The following SIPA1L2 variants were observed in gnomAD, a reference collection of about 807,000 sequenced individuals.
SIPA1L2 encodes signal induced proliferation associated 1 like 2.
Under a neutral mutation model 163.9 loss-of-function variants are expected in SIPA1L2, and 56 were observed. The observed-to-expected ratio is 0.34, with a 90% CI of 0.28 to 0.43. The LOEUF is 0.43. Among genes scored for constraint, SIPA1L2 ranks in the 20% least tolerant of loss-of-function variants. SIPA1L2 has a pLI of 1.00. For synonymous variants in SIPA1L2, 877 were observed against 865.7 expected, an observed-to-expected ratio of 1.01 and a Z score of -0.23; for missense variants, 1,974 against 2,193.5, an observed-to-expected ratio of 0.90 and a Z score of 2.00.
intron 3 of SIPA1L2, among the ~76,000 whole-genome samples, chr1:232,500,958 A>G (rs1031507854): frequency 6.6e-6 from 1 of 151,906 alleles, no homozygotes; most frequent in African/African-American, 2.4e-5. Context: ...TGATCAGCCA[A>G]CAGCCATCAA....
intron 2 of SIPA1L2, chr1:232,561,419 G>C (rs974120377): frequency 6.6e-6 from 1 of 152,146 alleles, no homozygotes; most frequent in Admixed American, 6.5e-5. Context: ...CTGCAATTAA[G>C]ATAATTATTT....
intron 1 of SIPA1L2, among the ~76,000 whole-genome samples, chr1:232,616,990 G>C (rs1662531004): frequency 6.6e-6 from 1 of 152,086 alleles, no homozygotes; most frequent in Admixed American, 6.5e-5. Context: ...TAATTGATTA[G>C]TCTCCTTCAC....
Position 232,514,947 on chromosome 1 carries a change from A to G in SIPA1L2, c.393T>C (p.Asp131=). ...QSEGQQDEQL[D]LDFVEAKYTI... is the part of the protein sequence containing the mutation. ...TGTACTTGGCCTCCACGAAGTCCAGATCGAGCTGTTCATCTTGCTGACCTT... is the reference window on the plus strand; with the variant it reads ...TGTACTTGGCCTCCACGAAGTCCAGGTCGAGCTGTTCATCTTGCTGACCTT... The change falls in exon 3 of 23, where the codon GAT becomes GAC. Residue 131 remains aspartate (D), a synonymous_variant. Coordinates refer to ENST00000674635, the MANE Select transcript of SIPA1L2 (RefSeq NM_020808.5). The G allele has an allele frequency of 2.5e-6, 4 of 1,614,164 alleles. No individual in the cohort carries two copies. The highest frequency in any genetic ancestry group is 3.4e-6 in the Non-Finnish European group (4 of 1,180,026).
intron 1 of SIPA1L2, among the ~76,000 whole-genome samples, chr1:232,601,406 C>T (rs1008687611): frequency 6.6e-6 from 1 of 152,196 alleles, no homozygotes; most frequent in African/African-American, 2.4e-5. Context: ...GCAACAGCTC[C>T]ACTCTCCCTG....
intron 2 of SIPA1L2, among the ~76,000 whole-genome samples, chr1:232,541,054 A>C (rs1268326230): frequency 6.6e-6 from 1 of 152,174 alleles, no homozygotes; most frequent in African/African-American, 2.4e-5. Flanking sequence ...ATGAGAACAC[A>C]TGGACACAGG....
At chr1:232,594,613 A>G (rs1661149079) in intron 1 of SIPA1L2, among the ~76,000 whole-genome samples, 1 of 152,054 alleles carries the variant, frequency 6.6e-6, no homozygotes, top group Non-Finnish European at 1.5e-5. Flanking sequence ...AGTCAATTTC[A>G]ATGCCCCTTT....
At chr1:232,476,578 C>T (rs921955103) in intron 7 of SIPA1L2, among the ~76,000 whole-genome samples, 1 of 152,014 alleles carries the variant, frequency 6.6e-6, no homozygotes, top group Non-Finnish European at 1.5e-5. Flanking sequence ...GGAAGACAGC[C>T]CTGGAAAAAG....
At chr1:232,538,892 G>A (rs1232596315) in intron 2 of SIPA1L2, among the ~76,000 whole-genome samples, 2 of 152,164 alleles carry the variant, frequency 1.3e-5, no homozygotes, top group African/African-American at 2.4e-5. Flanking sequence ...ACCTGCAAGC[G>A]TATATAGAAT....
intron 2 of SIPA1L2, among the ~76,000 whole-genome samples, chr1:232,548,682 C>A (rs927112864): frequency 9.9e-5 from 15 of 152,172 alleles, no homozygotes; most frequent in African/African-American, 2.4e-5. Flanking sequence ...AAGAGGGACA[C>A]GGCAAGGCCT....
intron 10 of SIPA1L2, among the ~76,000 whole-genome samples, chr1:232,458,843 T>C (rs1664071106): frequency 6.6e-6 from 1 of 152,234 alleles, no homozygotes; most frequent in Non-Finnish European, 1.5e-5. Context: ...AGACTCATTT[T>C]TAATAAATTA....
At chr1:232,511,055 C>T (rs916473637) in intron 3 of SIPA1L2, among the ~76,000 whole-genome samples, 1 of 152,102 alleles carries the variant, frequency 6.6e-6, no homozygotes, top group Non-Finnish European at 1.5e-5. Context: ...AATTAGGAAG[C>T]CTATCTCTCC....
intron 1 of SIPA1L2, among the ~76,000 whole-genome samples, chr1:232,584,534 T>G (rs1323883381): frequency 1.3e-5 from 2 of 152,224 alleles, no homozygotes; most frequent in African/African-American, 4.8e-5. Flanking sequence ...AGCATAAAAA[T>G]GGACAGTTTA....
At chr1:232,456,391 G>A (rs1663919216) in intron 10 of SIPA1L2, among the ~76,000 whole-genome samples, 2 of 152,122 alleles carry the variant, frequency 1.3e-5, no homozygotes, top group Non-Finnish European at 2.9e-5. Context: ...TTTATAGAAT[G>A]ATGAGAGAAT....
At chr1:232,627,765 C>T (rs1380079674) in intron 1 of SIPA1L2, among the ~76,000 whole-genome samples, 5 of 152,214 alleles carry the variant, frequency 3.3e-5, no homozygotes, top group African/African-American at 1.2e-4. Flanking sequence ...AGAAGCTCCA[C>T]CCCCATACCT....
intron 10 of SIPA1L2, among the ~76,000 whole-genome samples, chr1:232,446,872 T>A (rs548647479): frequency 2.8e-4 from 42 of 152,232 alleles, no homozygotes; most frequent in Admixed American, 1.9e-3. Flanking sequence ...CCACCCAGAG[T>A]CCTCTGAGCA....
chr1:232,591,988 T>C (rs4649391), intron 1 of SIPA1L2, among the ~76,000 whole-genome samples: 94,214 of 152,026 alleles, frequency 0.62, 29,808 homozygotes, highest in East Asian at 0.92. Flanking sequence ...CTATGGGTGC[T>C]TCTAGTGGGA....
At chr1:232,613,571 T>C (rs965506967) in intron 1 of SIPA1L2, among the ~76,000 whole-genome samples, 2 of 152,208 alleles carry the variant, frequency 1.3e-5, no homozygotes, top group African/African-American at 4.8e-5. Flanking sequence ...ACTAGGAATC[T>C]AAACACTTAG....
At chr1:232,423,423 T>C (rs1056029870) in intron 18 of SIPA1L2, among the ~76,000 whole-genome samples, 6 of 152,176 alleles carry the variant, frequency 3.9e-5, no homozygotes, top group African/African-American at 1.4e-4. Flanking sequence ...GGACAGGAGG[T>C]TGGAAATCAG....
At chr1:232,463,030 T>C (rs1049325635) in intron 9 of SIPA1L2, among the ~76,000 whole-genome samples, 6 of 152,192 alleles carry the variant, frequency 3.9e-5, no homozygotes, top group Non-Finnish European at 8.8e-5. Flanking sequence ...GGACTGGCTA[T>C]GTAATTTGTG....
Sources: gnomAD v4.1 joint callset for allele counts (sites outside exome capture counted in the v4.1 genomes callset) on GRCh38, gnomAD v4.1.1 for gene constraint, MANE v1.5 for transcripts, NCBI Gene and HGNC (gene_info 2026-07-23, HGNC 2026-07-21) for gene names.